The following DOCK3 variants were observed in gnomAD, a reference collection of about 807,000 sequenced individuals.
The protein encoded by DOCK3 is dedicator of cytokinesis 3.
In DOCK3, 60 loss-of-function variants were observed where a neutral mutation model predicts 265.6. That is an observed-to-expected ratio of 0.23 (90% confidence interval 0.18 to 0.28). DOCK3 has a LOEUF of 0.28. Ranked by LOEUF, DOCK3 falls within the 10% of genes least tolerant of loss-of-function variation. The probability of loss-of-function intolerance (pLI) is 1.00; values close to 1 mark genes in which losing one functional copy is unlikely to be tolerated. For synonymous variants in DOCK3, 881 were observed against 938.0 expected (o/e 0.94, Z 1.11); for missense variants, 1,981 against 2,594.3 (o/e 0.76, Z 5.14).
chr3:51,325,820 C>T (rs564411975), intron 32 of DOCK3, among the ~76,000 whole-genome samples: 2 of 152,190 alleles, frequency 1.3e-5, no homozygotes, highest in East Asian at 3.9e-4. Flanking sequence ...GAACAGAAAA[C>T]CAAACACTGC....
chr3:50,809,768 T>C (rs1024373169), intron 2 of DOCK3, among the ~76,000 whole-genome samples: 1 of 152,180 alleles, frequency 6.6e-6, no homozygotes, highest in African/African-American at 2.4e-5. Flanking sequence ...AGACATATTA[T>C]TGAAAAAAGA....
chr3:51,222,429 G>T (rs1026018740), intron 14 of DOCK3, among the ~76,000 whole-genome samples: 1 of 152,190 alleles, frequency 6.6e-6, no homozygotes, highest in African/African-American at 2.4e-5. Flanking sequence ...ATTTGCTTCT[G>T]CTTATGCTTT....
chr3:51,013,239 T>G (rs1343034027), intron 5 of DOCK3, among the ~76,000 whole-genome samples: 6 of 152,222 alleles, frequency 3.9e-5, no homozygotes, highest in Non-Finnish European at 8.8e-5. Context: ...CTCTGGTTTT[T>G]AGAATTTTTA....
At chr3:50,810,558 T>A (rs892592351) in intron 2 of DOCK3, among the ~76,000 whole-genome samples, 2 of 152,074 alleles carry the variant, frequency 1.3e-5, no homozygotes, top group Non-Finnish European at 2.9e-5. Context: ...AATTTTTTTT[T>A]AAATTTAGCC....
chr3:50,748,540 T>A (rs1169080695), intron 1 of DOCK3, among the ~76,000 whole-genome samples: 1 of 152,162 alleles, frequency 6.6e-6, no homozygotes, highest in Non-Finnish European at 1.5e-5. Flanking sequence ...AAGTGCTTGT[T>A]GTTGGTAATG....
intron 34 of DOCK3, 21 bp downstream of exon 34, chr3:51,333,048 G>A (rs375974628): frequency 2.5e-6 from 4 of 1,613,992 alleles, no homozygotes; most frequent in Non-Finnish European, 3.4e-6. Context: ...AGTGTGGTAA[G>A]TCTGCTGTCT....
chr3:50,843,330 G>C (rs1357343058), intron 3 of DOCK3, among the ~76,000 whole-genome samples: 1 of 152,046 alleles, frequency 6.6e-6, no homozygotes, highest in Non-Finnish European at 1.5e-5. Flanking sequence ...TTGTATGTCT[G>C]GCATCTTGGC....
intron 1 of DOCK3, among the ~76,000 whole-genome samples, chr3:50,699,198 C>G (rs2035865214): frequency 2.6e-5 from 4 of 152,152 alleles, no homozygotes; most frequent in African/African-American, 9.7e-5. Flanking sequence ...GAAATCTTGG[C>G]ACGCTTGTCA....
In DOCK3 at chr3:51,358,092, G is replaced by A. The variant is rs748312545; in HGVS notation, c.4884+15G>A. 2 of 1,611,466 alleles carry A rather than the reference G, an allele frequency of 1.2e-6. No individual in the cohort carries two copies. Among genetic ancestry groups the A allele is most frequent in the East Asian group, 4.5e-5 (2 of 44,870 alleles). On this transcript the variant is annotated intron_variant, in intron 46 of 52. Coordinates refer to ENST00000266037, the MANE Select transcript of DOCK3 (RefSeq NM_004947.5). ...GTCTCTACCATGTAAGTTGATCCCT[G>A]TCCTGCCCCTGCTGCAGTAGAACCA... is the stretch of plus-strand genomic sequence containing the variant.
chr3:51,347,619 C>T (rs959425302), intron 38 of DOCK3, among the ~76,000 whole-genome samples: 4 of 152,162 alleles, frequency 2.6e-5, no homozygotes, highest in Admixed American at 6.5e-5. Flanking sequence ...CTTGGCAATG[C>T]AGGCTCTTTT....
intron 1 of DOCK3, among the ~76,000 whole-genome samples, chr3:50,752,174 T>C (rs945317206): frequency 5.3e-5 from 8 of 151,982 alleles, no homozygotes; most frequent in Admixed American, 6.6e-5. Context: ...GTAAGAAAGG[T>C]GTGTTAGGTA....
chr3:51,101,032 T>C (rs778893212), intron 9 of DOCK3, among the ~76,000 whole-genome samples: 110 of 151,732 alleles, frequency 7.2e-4, no homozygotes, highest in Non-Finnish European at 1.4e-3. Flanking sequence ...CTCGAACTCT[T>C]GGCCTCAAGC....
chr3:51,212,170 C>A (rs985046652), intron 13 of DOCK3, among the ~76,000 whole-genome samples: 2 of 152,182 alleles, frequency 1.3e-5, no homozygotes, highest in Non-Finnish European at 2.9e-5. Context: ...TCATTCTTTG[C>A]ATGCCTTTTC....
rs1386447743 is a variant in DOCK3, at chr3:50,675,374, G to T, written c.37+74G>T. On this transcript the variant is annotated intron_variant, in intron 1 of 52. Coordinates refer to ENST00000266037, the MANE Select transcript of DOCK3 (RefSeq NM_004947.5). The surrounding 1 kb of genome is among the most constrained non-coding windows in gnomAD (Gnocchi z 6.1). ...CCAGCTCCCGGCCCCGCCTGGATTCGCATCCTCGTGCCCCCGCCACTGCCC... is the reference window on the plus strand; with the variant it reads ...CCAGCTCCCGGCCCCGCCTGGATTCTCATCCTCGTGCCCCCGCCACTGCCC... 3 of 1,139,808 alleles carry T rather than the reference G, an allele frequency of 2.6e-6. No homozygotes were observed. Among genetic ancestry groups the T allele is most frequent in the East Asian group, 4.2e-5 (1 of 23,812 alleles). 70.6% of individuals were successfully genotyped at this position (1,139,808 alleles called of 1,614,324 possible).
chr3:50,819,530 C>T (rs2044282751), intron 2 of DOCK3, among the ~76,000 whole-genome samples: 1 of 152,040 alleles, frequency 6.6e-6, no homozygotes, highest in African/African-American at 2.4e-5. Flanking sequence ...CACCTTAATC[C>T]GAAAGAAGCC....
chr3:51,343,339 G>C (rs1560470735), intron 38 of DOCK3, among the ~76,000 whole-genome samples: 1 of 152,174 alleles, frequency 6.6e-6, no homozygotes, highest in Non-Finnish European at 1.5e-5. Context: ...GCTCATTTAG[G>C]TGATGATGGC....
At chr3:51,126,244 T>C (rs947312855) in intron 9 of DOCK3, among the ~76,000 whole-genome samples, 5 of 152,240 alleles carry the variant, frequency 3.3e-5, no homozygotes, top group African/African-American at 1.2e-4. Context: ...TCTGGGTTAC[T>C]CTTGGGAAGT....
intron 3 of DOCK3, among the ~76,000 whole-genome samples, chr3:50,852,193 T>G (rs2046381481): frequency 6.6e-6 from 1 of 152,248 alleles, no homozygotes; most frequent in African/African-American, 2.4e-5. Flanking sequence ...CTGAGGTTTC[T>G]TCACAATTCT....
intron 3 of DOCK3, among the ~76,000 whole-genome samples, chr3:50,887,276 A>G (rs536491813): frequency 6.6e-6 from 1 of 151,666 alleles, no homozygotes; most frequent in East Asian, 1.9e-4. Context: ...AAATGGATAA[A>G]TTTCTGGACA....
Sources: gnomAD v4.1 joint callset for allele counts (sites outside exome capture counted in the v4.1 genomes callset) on GRCh38, gnomAD v4.1.1 for gene constraint, Gnocchi (gnomAD v3.1) non-coding constraint, MANE v1.5 for transcripts, NCBI Gene and HGNC (gene_info 2026-07-23, HGNC 2026-07-21) for gene names.